HMGB1: variants seen among roughly 807,000 people sequenced by gnomAD.
HMGB1 encodes high mobility group protein B1.
For synonymous variants in HMGB1, 81 were observed against 84.0 expected, an observed-to-expected ratio of 0.96 and a Z score of 0.19; for missense variants, 79 against 253.5, an observed-to-expected ratio of 0.31 and a Z score of 4.67.
chr13:30,513,728 T>C (rs1888041413), intron 1 of HMGB1, among the ~76,000 whole-genome samples: 1 of 152,204 alleles, frequency 6.6e-6, no homozygotes, highest in African/African-American at 2.4e-5. Flanking sequence ...TCCACTCTCA[T>C]GATAACCCAT....
At chr13:30,485,036 T>TTC (rs1387815994) in intron 1 of HMGB1, among the ~76,000 whole-genome samples, 2 of 140,016 alleles carry the variant, frequency 1.4e-5, no homozygotes, top group Non-Finnish European at 3.0e-5. Context: ...TTCTTTTTCT[T>TTC]TTTTTTTTTT....
At chr13:30,469,430 A>AC (rs1448647331), upstream of HMGB1, among the ~76,000 whole-genome samples, 1 of 151,858 alleles carries the variant, frequency 6.6e-6, no homozygotes, top group Non-Finnish European at 1.5e-5. Flanking sequence ...GTCCCACTGC[A>AC]CTGTACACCT....
chr13:30,589,294 C>T (rs989321101), intron 1 of HMGB1, among the ~76,000 whole-genome samples: 20 of 152,218 alleles, frequency 1.3e-4, no homozygotes, highest in African/African-American at 3.6e-4. Flanking sequence ...CGTGAACCAC[C>T]GCGCCCGGCC....
rs1886305251 is a variant in HMGB1, at chr13:30,461,204, G to C, written c.*153C>G. The C allele has an allele frequency of 9.6e-7, 1 of 1,043,244 alleles. No homozygotes were observed. The highest frequency in any genetic ancestry group is 1.3e-6 in the Non-Finnish European group (1 of 743,774). 64.6% of individuals were successfully genotyped at this position (1,043,244 alleles called of 1,614,324 possible). The stretch of plus-strand genomic sequence containing the variant: ...GGGCTATCTAAAGACACATTCGGTA[G>C]TGTGTTAACTATACAAAAAAAGACA... On this transcript the variant is annotated 3_prime_UTR_variant, in exon 5 of 5. Transcript: ENST00000341423.
chr13:30,552,176 C>T (rs140947943), intron 1 of HMGB1, among the ~76,000 whole-genome samples: 77 of 152,174 alleles, frequency 5.1e-4, no homozygotes, highest in African/African-American at 1.8e-3. Context: ...ACACACATAT[C>T]CTTTAGTTAT....
At chr13:30,544,937 G>A (rs544081282) in intron 1 of HMGB1, among the ~76,000 whole-genome samples, 7 of 152,278 alleles carry the variant, frequency 4.6e-5, no homozygotes, top group Non-Finnish European at 1.0e-4. Flanking sequence ...GTCAGGAGGC[G>A]CCTCGATGTA....
intron 1 of HMGB1, chr13:30,554,168 G>T (rs1438351498): frequency 2.2e-6 from 3 of 1,371,066 alleles, no homozygotes; most frequent in Non-Finnish European, 3.1e-6. Context: ...TATCAATAGT[G>T]GTGAAACCAG....
chr13:30,610,534 G>A (rs1950504062), intron 1 of HMGB1, among the ~76,000 whole-genome samples: 1 of 152,162 alleles, frequency 6.6e-6, no homozygotes, highest in Admixed American at 6.5e-5. Context: ...TTTCACACAT[G>A]GAAAAACTGA....
intron 1 of HMGB1, among the ~76,000 whole-genome samples, chr13:30,525,856 T>TGGG (rs150547949): frequency 6.7e-6 from 1 of 150,110 alleles, no homozygotes; most frequent in Non-Finnish European, 1.5e-5. Flanking sequence ...GATGAGATTG[T>TGGG]GGGGGGACAC....
At chr13:30,540,825 C>T (rs1158816212) in intron 1 of HMGB1, 2 of 152,088 alleles carry the variant, frequency 1.3e-5, no homozygotes, top group Middle Eastern at 3.2e-3. Context: ...CTCAGGTGAT[C>T]CGCCTGCCTC....
intron 1 of HMGB1, among the ~76,000 whole-genome samples, chr13:30,545,094 G>T (rs1474899374): frequency 6.6e-6 from 1 of 151,670 alleles, no homozygotes; most frequent in Non-Finnish European, 1.5e-5. Context: ...TCTTCTGTTT[G>T]CATTGATTTC....
chr13:30,463,894 A>G, intron 1 of HMGB1, 200 bp from the exon 2 acceptor site: 1 of 505,838 alleles, frequency 2.0e-6, no homozygotes, highest in Non-Finnish European at 3.3e-6. Context: ...AACAAAACAA[A>G]AACAGTCCTT....
intron 1 of HMGB1, among the ~76,000 whole-genome samples, chr13:30,517,663 A>T (rs1378881750): frequency 6.6e-6 from 1 of 152,230 alleles, no homozygotes; most frequent in Non-Finnish European, 1.5e-5. Flanking sequence ...TATTGGGATT[A>T]CAGGCATGAG....
In HMGB1 at chr13:30,588,446, A is replaced by G. The variant is rs577553118; in HGVS notation, c.-15+28225T>C. On this transcript the variant is annotated intron_variant, in intron 1 of 4. Coordinates refer to the HMGB1 transcript ENST00000405805. ...ACAATATATGTAAAAACTCGGAGAC[A>G]GGACTGAGCGTGAAATGTTAATGGG... Among the ~76,000 whole-genome samples the G allele has an allele frequency of 5.9e-5, 9 of 152,310 alleles. No individual in the cohort carries two copies. The South Asian group carries it at 1.9e-3, about 32-fold the overall frequency.
intron 1 of HMGB1, among the ~76,000 whole-genome samples, chr13:30,498,713 C>A (rs1887668349): frequency 6.7e-6 from 1 of 150,372 alleles, no homozygotes; most frequent in African/African-American, 2.4e-5. Context: ...AGTGGCATGA[C>A]CTGGGCTCAC....
At chr13:30,580,857 T>C (rs1870869564) in intron 1 of HMGB1, among the ~76,000 whole-genome samples, 1 of 152,216 alleles carries the variant, frequency 6.6e-6, no homozygotes, top group African/African-American at 2.4e-5. Flanking sequence ...TGCTTGTATT[T>C]TTCCATGTAG....
At chr13:30,573,092 A>C (rs1357740654) in intron 1 of HMGB1, among the ~76,000 whole-genome samples, 1 of 152,206 alleles carries the variant, frequency 6.6e-6, no homozygotes, top group Non-Finnish European at 1.5e-5. Flanking sequence ...ACAACTCATT[A>C]ATTATAGGAA....
At chr13:30,586,365 C>A (rs1871146111) in intron 1 of HMGB1, among the ~76,000 whole-genome samples, 1 of 151,428 alleles carries the variant, frequency 6.6e-6, no homozygotes, top group African/African-American at 2.4e-5. Flanking sequence ...AGAACATTAA[C>A]AAAGACTGAA....
At chr13:30,466,883 C>G (rs577703509), upstream of HMGB1, among the ~76,000 whole-genome samples, 1 of 152,330 alleles carries the variant, frequency 6.6e-6, no homozygotes, top group East Asian at 1.9e-4. Flanking sequence ...ATTACTGTTA[C>G]AATCAAACGA....
Sources: allele counts gnomAD v4.1 joint callset (sites outside exome capture counted in the v4.1 genomes callset), GRCh38; gene constraint gnomAD v4.1.1; transcripts MANE v1.5; gene names NCBI Gene and HGNC (gene_info 2026-07-23, HGNC 2026-07-21).